Variants in GPHN observed in about 807,000 individuals in gnomAD.
GPHN encodes gephyrin.
In GPHN, 17 loss-of-function variants were observed where a neutral mutation model predicts 95.5. That is an observed-to-expected ratio of 0.18 (90% CI 0.12 to 0.27). The LOEUF (loss-of-function observed/expected upper bound fraction) is 0.27. Ranked by LOEUF, GPHN falls within the 10% of genes least tolerant of loss-of-function variation. The probability of loss-of-function intolerance (pLI) is 1.00; values close to 1 mark genes in which losing one functional copy is unlikely to be tolerated. For missense variants in GPHN, 660 were observed against 978.1 expected, an observed-to-expected ratio of 0.67 and a Z score of 4.34; for synonymous variants, 320 against 322.5, an observed-to-expected ratio of 0.99 and a Z score of 0.08.
chr14:67,280,826 T>TCCTTCCTTC, the GPHN span, among the ~76,000 whole-genome samples: 78 of 129,742 alleles, frequency 6.0e-4, 1 homozygote, highest in African/African-American at 2.6e-3. Flanking sequence ...CTTCCTTCCT[T>TCCTTCCTTC]CCTTCCTTCC....
At chr14:67,213,300 G>A in the GPHN span, among the ~76,000 whole-genome samples, 8 of 140,522 alleles carry the variant, frequency 5.7e-5, 1 homozygote, top group Middle Eastern at 6.8e-3. Flanking sequence ...ATCTCCTAAG[G>A]CTATCCCTCC....
intron 1 of GPHN, among the ~76,000 whole-genome samples, chr14:66,653,240 A>G (rs779329968): frequency 1.3e-5 from 2 of 152,168 alleles, no homozygotes; most frequent in Non-Finnish European, 1.5e-5. Context: ...TTTTGGGTTC[A>G]GTGAAGTGGG....
At chr14:67,101,095 C>T (rs1443964929) in intron 13 of GPHN, among the ~76,000 whole-genome samples, 184 bp downstream of exon 13, 3 of 152,148 alleles carry the variant, frequency 2.0e-5, no homozygotes, top group African/African-American at 7.2e-5. Flanking sequence ...AAAGTATCTA[C>T]ATCTATTAAT....
chr14:66,555,506 C>T (rs1566596328), intron 1 of GPHN, among the ~76,000 whole-genome samples: 1 of 152,094 alleles, frequency 6.6e-6, no homozygotes, highest in Non-Finnish European at 1.5e-5. Context: ...CCCCGCAACC[C>T]ACGCTGCCTT....
intron 1 of GPHN, among the ~76,000 whole-genome samples, chr14:66,629,209 T>TTTATGTATATTTATGTATAAATATGTA (rs2063678274): frequency 7.3e-6 from 1 of 136,838 alleles, no homozygotes; most frequent in Non-Finnish European, 1.6e-5. Context: ...AAATATATAT[T>TTTATGTATATTTATGTATAAATATGTA]TATATACATA....
chr14:67,314,061 C>A, the GPHN span, among the ~76,000 whole-genome samples: 1 of 151,692 alleles, frequency 6.6e-6, no homozygotes, highest in East Asian at 1.9e-4. Flanking sequence ...CTGGCCTTAT[C>A]TTTTATCTAC....
At chr14:66,719,765 T>C (rs1192723379) in intron 2 of GPHN, among the ~76,000 whole-genome samples, 1 of 152,142 alleles carries the variant, frequency 6.6e-6, no homozygotes, top group Non-Finnish European at 1.5e-5. Flanking sequence ...GACCCAGAAA[T>C]AGATGTTTTT....
intron 1 of GPHN, among the ~76,000 whole-genome samples, chr14:66,639,178 A>AAAATT (rs1213619791): frequency 6.6e-6 from 1 of 150,722 alleles, no homozygotes; most frequent in African/African-American, 2.4e-5. Flanking sequence ...TAGAAATGAA[A>AAAATT]AAATTATTAA....
At chr14:67,280,400 GAA>G in the GPHN span, among the ~76,000 whole-genome samples, 5 of 152,146 alleles carry the variant, frequency 3.3e-5, no homozygotes, top group African/African-American at 1.2e-4. Flanking sequence ...TGTAGAAGGA[GAA>G]AGTTTTTATT....
the GPHN span, among the ~76,000 whole-genome samples, chr14:67,273,336 T>C: frequency 6.8e-6 from 1 of 147,308 alleles, no homozygotes; most frequent in South Asian, 2.3e-4. Flanking sequence ...AGTGTTCTCA[T>C]TTTTCAATTC....
intron 1 of GPHN, among the ~76,000 whole-genome samples, chr14:66,604,246 C>CAT (rs1488388657): frequency 6.6e-6 from 1 of 152,062 alleles, no homozygotes; most frequent in East Asian, 1.9e-4. Flanking sequence ...CTGGCACCTG[C>CAT]ATTTGTAAAC....
the GPHN span, among the ~76,000 whole-genome samples, chr14:67,619,477 A>C: frequency 2.0e-5 from 3 of 152,212 alleles, no homozygotes; most frequent in Non-Finnish European, 4.4e-5. Context: ...TTGAGATAGA[A>C]CGAAGCAGGT....
chr14:67,581,851 T>G, the GPHN span: 1 of 532,522 alleles, frequency 1.9e-6, no homozygotes, highest in South Asian at 2.1e-5. Context: ...ATCTTCAGAA[T>G]GAACCATGCC....
In GPHN at chr14:67,151,447, T is replaced by C. The variant is rs767594021; in HGVS notation, c.1837-7968T>C. 1.9e-3 allele frequency among the ~76,000 whole-genome samples: 294 copies of C among 152,322 alleles called. 2 individuals carry two copies. Among genetic ancestry groups the C allele is most frequent in the Middle Eastern group, 3.4e-3 (1 of 294 alleles). On this transcript the variant is annotated intron_variant, in intron 18 of 22. Coordinates refer to ENST00000478722, the MANE Select transcript of GPHN (RefSeq NM_020806.5). ...CCTTTTACAGAGATCACCAAATGAT[T>C]AGACCATAAAACCAAATCCCTAATC...
the GPHN span, among the ~76,000 whole-genome samples, chr14:67,214,682 G>C: frequency 2.0e-5 from 3 of 151,854 alleles, no homozygotes; most frequent in African/African-American, 7.3e-5. Context: ...CTTTAAAGTA[G>C]TTTTTTCCAA....
chr14:67,473,542 C>T, the GPHN span: 3 of 1,613,972 alleles, frequency 1.9e-6, no homozygotes, highest in Non-Finnish European at 2.5e-6. The surrounding 1 kb of genome is among the most constrained non-coding windows in gnomAD (Gnocchi z 6.5). Context: ...ATGATGAGGG[C>T]CCCGCAGAAC....
At chr14:66,599,331 G>C (rs2062119307) in intron 1 of GPHN, among the ~76,000 whole-genome samples, 1 of 121,468 alleles carries the variant, frequency 8.2e-6, no homozygotes, top group Admixed American at 8.1e-5. Context: ...TACCCTTTTT[G>C]TATATCTTTT....
the GPHN span, among the ~76,000 whole-genome samples, chr14:67,368,205 G>T: frequency 6.6e-6 from 1 of 152,224 alleles, no homozygotes; most frequent in Non-Finnish European, 1.5e-5. Flanking sequence ...AGGCAGAGCA[G>T]CGTAAACGGC....
At chr14:66,956,474 T>G (rs973993370) in intron 8 of GPHN, among the ~76,000 whole-genome samples, 1 of 152,038 alleles carries the variant, frequency 6.6e-6, no homozygotes, top group Non-Finnish European at 1.5e-5. Context: ...ACTTCCACAA[T>G]GGTTGAACTA....
Sources: allele counts gnomAD v4.1 joint callset (sites outside exome capture counted in the v4.1 genomes callset), GRCh38; gene constraint gnomAD v4.1.1; non-coding constraint Gnocchi (gnomAD v3.1); transcripts MANE v1.5; gene names NCBI Gene and HGNC (gene_info 2026-07-23, HGNC 2026-07-21).